Variants in SEC14L5 observed in about 807,000 individuals in gnomAD.
SEC14L5 encodes SEC14-like protein 5.
A neutral mutation model predicts 84.6 loss-of-function variants in SEC14L5; 96 were observed. That is an observed-to-expected ratio of 1.13 (90% CI 0.96 to 1.34). The LOEUF is 1.34. Ranked by LOEUF, SEC14L5 falls within the 40% of genes most tolerant of loss-of-function variation. SEC14L5 has a pLI of 0.00. For missense variants in SEC14L5, 1,224 were observed against 942.5 expected, an observed-to-expected ratio of 1.30 and a Z score of -3.91; for synonymous variants, 546 against 383.4, an observed-to-expected ratio of 1.42 and a Z score of -4.95.
At chr16:4,971,091 C>CAAA (rs34842525) in intron 2 of SEC14L5, among the ~76,000 whole-genome samples, 9 of 73,916 alleles carry the variant, frequency 1.2e-4, no homozygotes, top group African/African-American at 1.5e-4. Flanking sequence ...GTGACAGAGC[C>CAAA]AAAAAAAAAA....
chr16:4,992,086 C>A, intron 6 of SEC14L5, 56 bp downstream of exon 6: 1 of 1,236,120 alleles, frequency 8.1e-7, no homozygotes, highest in Non-Finnish European at 1.1e-6. Flanking sequence ...GGTCCTCTTG[C>A]TCCATGGGGG....
rs756184928 is a variant in SEC14L5 at position 5,014,954 on chromosome 16, C to T, written c.2075C>T (p.Ser692Phe). 5 of 1,610,952 alleles carry T rather than the reference C, an allele frequency of 3.1e-6. No individual in the cohort carries two copies. The highest frequency in any genetic ancestry group is 4.2e-6 in the Non-Finnish European group (5 of 1,179,600). Residue 692 changes from serine to phenylalanine, a missense_variant, in exon 16 of 16, where the codon TCC becomes TTC. Coordinates refer to ENST00000251170, the MANE Select transcript of SEC14L5 (RefSeq NM_014692.2). ...TCCTCCGGCCAGTCTCATAGCAGCT[C>T]CCTGGTCTCCAGATAGCCGGGCCCA... ...SSSSGQSHSS[S>F]LVSR
At chr16:4,966,784 T>C (rs1955205721) in intron 2 of SEC14L5, among the ~76,000 whole-genome samples, 1 of 152,172 alleles carries the variant, frequency 6.6e-6, no homozygotes, top group South Asian at 2.1e-4. Flanking sequence ...TTTTCAGAGC[T>C]GGATGGAGGA....
intron 14 of SEC14L5, among the ~76,000 whole-genome samples, chr16:5,009,296 G>C (rs545172579): frequency 6.6e-6 from 1 of 152,018 alleles, no homozygotes; most frequent in African/African-American, 2.4e-5. Flanking sequence ...ATCACAGTTA[G>C]GCCCCATCTT....
intron 2 of SEC14L5, among the ~76,000 whole-genome samples, chr16:4,973,602 G>T (rs1421815958): frequency 2.0e-5 from 3 of 152,164 alleles, no homozygotes; most frequent in African/African-American, 4.8e-5. Context: ...CAACACAGAT[G>T]GGCTGAAAAC....
chr16:4,997,523 T>C (rs1368288464), intron 8 of SEC14L5, among the ~76,000 whole-genome samples: 1 of 152,146 alleles, frequency 6.6e-6, no homozygotes, highest in Non-Finnish European at 1.5e-5. Flanking sequence ...CTGGAAGGCT[T>C]TGGGGCTTGA....
In SEC14L5 at chr16:4,991,755, T is replaced by A; in HGVS notation, c.475-83T>A. On this transcript the variant is annotated intron_variant, in intron 5 of 15. Coordinates refer to ENST00000251170, the MANE Select transcript of SEC14L5 (RefSeq NM_014692.2). ...TGTCGGGGCTGGGACCTGAGCCGGC[T>A]GGGGGTGACTCCCTGTGGTGATCCT... is the stretch of plus-strand genomic sequence containing the variant. 3.3e-6 allele frequency: 3 copies of A among 903,012 alleles called. No homozygotes were observed. The East Asian group carries it at 8.6e-5, about 26-fold the overall frequency. 55.9% of individuals were successfully genotyped at this position (903,012 alleles called of 1,614,324 possible). A position where few individuals can be genotyped will look rare whatever the true frequency, so the allele number is the denominator to read the frequency against.
chr16:5,000,253 T>C (rs1268165449), intron 8 of SEC14L5, among the ~76,000 whole-genome samples: 1 of 152,194 alleles, frequency 6.6e-6, no homozygotes, highest in Non-Finnish European at 1.5e-5. Flanking sequence ...ATCGCACCAC[T>C]GCACTCCAGC....
chr16:4,987,738 G>A (rs1195841093), intron 3 of SEC14L5, 32 bp downstream of exon 3: 11 of 1,451,014 alleles, frequency 7.6e-6, no homozygotes, highest in East Asian at 2.7e-5. Flanking sequence ...GGGCGGAGGA[G>A]GGGACCTGTT....
intron 8 of SEC14L5, 146 bp from the exon 9 acceptor site, chr16:5,000,509 C>T: frequency 1.6e-6 from 1 of 629,610 alleles, no homozygotes; most frequent in African/African-American, 1.8e-5. Context: ...TGGAAGCAGG[C>T]AGGGTGTTAG....
At chr16:4,988,122 T>C in intron 3 of SEC14L5, 27 bp from the exon 4 acceptor site, 3 of 1,031,006 alleles carry the variant, frequency 2.9e-6, no homozygotes, top group Non-Finnish European at 2.8e-6. Context: ...CCCACCCACC[T>C]CCGCCTCCCC....
intron 8 of SEC14L5, among the ~76,000 whole-genome samples, chr16:4,998,967 A>G (rs1955646280): frequency 6.6e-6 from 1 of 152,168 alleles, no homozygotes; most frequent in African/African-American, 2.4e-5. Context: ...CAGAGTGGCG[A>G]AGTATTGGAG....
chr16:5,004,153 C>T (rs73512309), intron 11 of SEC14L5, among the ~76,000 whole-genome samples: 2,490 of 152,236 alleles, frequency 0.016, 66 homozygotes, highest in African/African-American at 0.057. Context: ...GACGACAGCA[C>T]CTGAGGAGGC....
At chr16:5,006,126 T>G (rs1955729918) in intron 12 of SEC14L5, 78 bp downstream of exon 12, 2 of 1,491,086 alleles carry the variant, frequency 1.3e-6, no homozygotes, top group African/African-American at 1.4e-5. Flanking sequence ...ATTCCCGGAG[T>G]GGGGCTGGGA....
intron 2 of SEC14L5, among the ~76,000 whole-genome samples, chr16:4,975,721 G>A (rs552880131): frequency 1.3e-5 from 2 of 152,260 alleles, no homozygotes; most frequent in South Asian, 4.1e-4. Context: ...GTTGGAGGAG[G>A]TGAGTAGATT....
chr16:4,979,319 T>C (rs1955390699), intron 2 of SEC14L5, among the ~76,000 whole-genome samples: 1 of 152,198 alleles, frequency 6.6e-6, no homozygotes, highest in Non-Finnish European at 1.5e-5. Context: ...ATGGTCTGAC[T>C]GCAAGGGGGT....
intron 15 of SEC14L5, among the ~76,000 whole-genome samples, chr16:5,012,474 G>A (rs1182377355): frequency 6.6e-6 from 1 of 152,192 alleles, no homozygotes; most frequent in Non-Finnish European, 1.5e-5. Context: ...GTGGTGGCTC[G>A]GATCGTGGGG....
At chr16:4,960,054 C>T (rs530261365) in intron 2 of SEC14L5, among the ~76,000 whole-genome samples, 5 of 152,276 alleles carry the variant, frequency 3.3e-5, no homozygotes, top group African/African-American at 9.6e-5. Context: ...CTGTGTTGTG[C>T]AGCAAGTCAG....
intron 13 of SEC14L5, among the ~76,000 whole-genome samples, chr16:5,007,905 C>G (rs1159839134): frequency 1.6e-5 from 2 of 128,800 alleles, no homozygotes; most frequent in East Asian, 4.3e-4. Context: ...GGCGCCTGGC[C>G]TCTTTTTTTT....
Sources: allele counts gnomAD v4.1 joint callset (sites outside exome capture counted in the v4.1 genomes callset), GRCh38; gene constraint gnomAD v4.1.1; transcripts MANE v1.5; gene names NCBI Gene and HGNC (gene_info 2026-07-23, HGNC 2026-07-21).